The following HDAC1 variants were observed in gnomAD, a reference collection of about 807,000 sequenced individuals.
The protein encoded by HDAC1 is histone deacetylase 1.
In HDAC1, 18 loss-of-function variants were observed where a neutral mutation model predicts 65.5. The ratio of observed to expected loss-of-function variants is 0.27; its 90% CI spans 0.19 to 0.41. The LOEUF is 0.41. Ranked by LOEUF, HDAC1 falls within the 10% of genes least tolerant of loss-of-function variation. The probability of loss-of-function intolerance (pLI) is 1.00; values close to 1 mark genes in which losing one functional copy is unlikely to be tolerated. For missense variants in HDAC1, 373 were observed against 625.2 expected, an observed-to-expected ratio of 0.60 and a Z score of 4.30; for synonymous variants, 211 against 227.9, an observed-to-expected ratio of 0.93 and a Z score of 0.67.
intron 2 of HDAC1, among the ~76,000 whole-genome samples, chr1:32,305,724 C>A (rs1007016650): frequency 6.6e-6 from 1 of 151,634 alleles, no homozygotes; most frequent in Non-Finnish European, 1.5e-5. Flanking sequence ...CATCTTTCTA[C>A]CTCAGCCTCC....
At chr1:32,301,392 G>C (rs1640846094) in intron 1 of HDAC1, among the ~76,000 whole-genome samples, 2 of 152,100 alleles carry the variant, frequency 1.3e-5, no homozygotes, top group Admixed American at 6.6e-5. Context: ...CTTGCAGTGA[G>C]CTGAGATCGC....
chr1:32,331,428 T>TGCGGTG lies in HDAC1; in HGVS notation c.980-43_980-38dup. On this transcript the variant is annotated intron_variant, in intron 9 of 13. Transcript: ENST00000373548. The surrounding 1 kb of genome is among the most constrained non-coding windows in gnomAD (Gnocchi z 4.2). ...GGTGCTTACGTGCAAATGGTTAGGG[T>TGCGGTG]GCGGTGGCCAGGTCTCTTGACGGTC... is the stretch of plus-strand genomic sequence containing the variant. 1 of 1,070,536 alleles carries TGCGGTG rather than the reference T, an allele frequency of 9.3e-7. No individual in the cohort carries two copies. The highest frequency in any genetic ancestry group is 1.5e-6 in the Non-Finnish European group (1 of 685,046). The allele number at this position is 1,070,536 out of a possible 1,614,324, so 66.3% of individuals were successfully genotyped here. A position where few individuals can be genotyped will look rare whatever the true frequency, so the allele number is the denominator to read the frequency against.
intron 2 of HDAC1, among the ~76,000 whole-genome samples, chr1:32,306,089 A>G (rs1640906384): frequency 1.3e-5 from 2 of 152,000 alleles, no homozygotes; most frequent in African/African-American, 4.8e-5. Flanking sequence ...GTAGCTTTAT[A>G]TTATAGTAAG....
At chr1:32,328,878 TGATTTGCCAGTGAAGCTA>T (rs1641253677) in intron 6 of HDAC1, among the ~76,000 whole-genome samples, 172 bp from the exon 7 acceptor site, 1 of 152,148 alleles carries the variant, frequency 6.6e-6, no homozygotes, top group African/African-American at 2.4e-5. Context: ...TGTCCAGAGA[TGATTTGCCAGTGAAGCTA>T]GATTTGCCAG....
In HDAC1 at chr1:32,327,265, G is replaced by C. The variant is rs1422943759; in HGVS notation, c.494+188G>C. ...TTTGATCTGAGCCACGGCATGATCA[G>C]GGGCAGATGCTGCTCAGATCCTGCC... On this transcript the variant is annotated intron_variant, in intron 5 of 13. Coordinates refer to ENST00000373548, the MANE Select transcript of HDAC1 (RefSeq NM_004964.3). This position sits in a 1 kb window ranked among gnomAD's most constrained non-coding sequence, Gnocchi z 6.0. 1.3e-5 allele frequency: 8 copies of C among 632,800 alleles called. No individual in the cohort carries two copies. In the African/African-American group the frequency reaches 1.3e-4, roughly 10 times the overall value. 39.2% of individuals were successfully genotyped at this position (632,800 alleles called of 1,614,324 possible).
intron 1 of HDAC1, among the ~76,000 whole-genome samples, chr1:32,301,641 A>G (rs548495179): frequency 1.7e-4 from 25 of 149,412 alleles, no homozygotes; most frequent in Non-Finnish European, 3.3e-4. Context: ...ATGGTAGCAC[A>G]TGCCTGTGAT....
chr1:32,303,024 T>C (rs746220642), intron 2 of HDAC1, among the ~76,000 whole-genome samples: 5 of 152,018 alleles, frequency 3.3e-5, no homozygotes, highest in Non-Finnish European at 2.9e-5. Flanking sequence ...AATTTAAAAA[T>C]TAGCTGGCCA....
chr1:32,314,065 T>G (rs1286129605), intron 2 of HDAC1, among the ~76,000 whole-genome samples: 3 of 152,216 alleles, frequency 2.0e-5, no homozygotes. Flanking sequence ...TTATTGTTCG[T>G]TTTTGAACTG....
At chr1:32,305,425 A>C (rs1240058446) in intron 2 of HDAC1, among the ~76,000 whole-genome samples, 1 of 152,184 alleles carries the variant, frequency 6.6e-6, no homozygotes, top group Non-Finnish European at 1.5e-5. Flanking sequence ...AATGGTTTCC[A>C]ATTGCCAGCT....
intron 1 of HDAC1, among the ~76,000 whole-genome samples, chr1:32,296,974 G>A (rs917480693): frequency 2.6e-5 from 4 of 152,074 alleles, no homozygotes; most frequent in Non-Finnish European, 4.4e-5. Context: ...AGTTTGAAGA[G>A]GAGAAGATAA....
At chr1:32,322,308 G>A (rs538647326) in intron 3 of HDAC1, among the ~76,000 whole-genome samples, 1 of 148,774 alleles carries the variant, frequency 6.7e-6, no homozygotes, top group African/African-American at 2.5e-5. Flanking sequence ...ATGGAGTCTC[G>A]CCCTGTCACC....
chr1:32,294,624 C>T (rs539106759), intron 1 of HDAC1, among the ~76,000 whole-genome samples: 1 of 151,288 alleles, frequency 6.6e-6, no homozygotes, highest in Non-Finnish European at 1.5e-5. Context: ...ATGCCATTCT[C>T]CTGCCTCAGC....
intron 2 of HDAC1, among the ~76,000 whole-genome samples, chr1:32,307,997 TTCTTGATTGCTATATCAAAGA>T (rs1219884080): frequency 1.3e-5 from 2 of 152,308 alleles, no homozygotes; most frequent in African/African-American, 4.8e-5. Flanking sequence ...CTTGTAAAGT[TTCTTGATTGCTATATCAAAGA>T]GCTTAGAGTC....
In HDAC1 at chr1:32,331,592, T is replaced by G. The variant is rs757786894; in HGVS notation, c.1088+10T>G. ...ACCTGGAGAAGATCAAGTGAGTATATCCTCCAGCCACCCCTTGGTTGAACA... is the reference window on the plus strand; with the variant it reads ...ACCTGGAGAAGATCAAGTGAGTATAGCCTCCAGCCACCCCTTGGTTGAACA... On this transcript the variant is annotated intron_variant, in intron 10 of 13. Transcript: ENST00000373548. This position sits in a 1 kb window ranked among gnomAD's most constrained non-coding sequence, Gnocchi z 4.2. The G allele has an allele frequency of 1.1e-5, 17 of 1,609,612 alleles. No individual in the cohort carries two copies. Among genetic ancestry groups the G allele is most frequent in the Non-Finnish European group, 1.4e-5 (16 of 1,176,068 alleles).
chr1:32,332,967 C>T, intron 13 of HDAC1, 50 bp from the exon 14 acceptor site: 1 of 1,603,156 alleles, frequency 6.2e-7, no homozygotes, highest in Non-Finnish European at 8.5e-7. Flanking sequence ...CACTTTTGCC[C>T]TGAGGCTCTG....
chr1:32,324,287 A>G (rs1049739505), intron 3 of HDAC1, among the ~76,000 whole-genome samples, 192 bp from the exon 4 acceptor site: 2 of 152,148 alleles, frequency 1.3e-5, no homozygotes, highest in African/African-American at 4.8e-5. Context: ...CTGGCTCTAA[A>G]AAATAAAAAA....
chr1:32,331,589 A>G lies in HDAC1; in HGVS notation c.1088+7A>G. On this transcript the variant is annotated splice_region_variant and intron_variant, in intron 10 of 13. Transcript: ENST00000373548. The surrounding 1 kb of genome is among the most constrained non-coding windows in gnomAD (Gnocchi z 4.2). ...AGTACCTGGAGAAGATCAAGTGAGT[A>G]TATCCTCCAGCCACCCCTTGGTTGA... is the stretch of plus-strand genomic sequence containing the variant. 6.2e-7 allele frequency: 1 copy of G among 1,609,774 alleles called. No homozygotes were observed. Among genetic ancestry groups the G allele is most frequent in the Non-Finnish European group, 8.5e-7 (1 of 1,176,082 alleles).
chr1:32,332,306 T>A, intron 12 of HDAC1, 64 bp downstream of exon 12: 1 of 1,479,868 alleles, frequency 6.8e-7, no homozygotes. Context: ...TGTAGGGCAG[T>A]GGGAGGAGGG....
chr1:32,321,482 C>T lies in HDAC1; in HGVS notation c.281-2997C>T, dbSNP rs189825583. 3.7e-4 allele frequency among the ~76,000 whole-genome samples: 56 copies of T among 151,162 alleles called. No homozygotes were observed. In the East Asian group the frequency reaches 0.01, roughly 28 times the overall value. ...AGCATTTGACTGCCTTCTCTGCCTACGTCTGCTTCCACCTCTCACCCAGTA... is the reference window on the plus strand; with the variant it reads ...AGCATTTGACTGCCTTCTCTGCCTATGTCTGCTTCCACCTCTCACCCAGTA... On this transcript the variant is annotated intron_variant, in intron 3 of 13. Transcript: ENST00000373548.
Sources: gnomAD v4.1 joint callset for allele counts (sites outside exome capture counted in the v4.1 genomes callset) on GRCh38, gnomAD v4.1.1 for gene constraint, Gnocchi (gnomAD v3.1) non-coding constraint, MANE v1.5 for transcripts, NCBI Gene and HGNC (gene_info 2026-07-23, HGNC 2026-07-21) for gene names.